The following SGCZ variants were observed in gnomAD, a reference collection of about 807,000 sequenced individuals.
SGCZ encodes sarcoglycan zeta.
SGCZ carries 40 observed loss-of-function variants against 41.3 expected under a neutral mutation model. The observed-to-expected ratio is 0.97, with a 90% CI of 0.75 to 1.26. The LOEUF is 1.26. Among genes scored for constraint, SGCZ ranks in the 50% most tolerant of loss-of-function variants. The probability of loss-of-function intolerance (pLI) is 0.00; values close to 1 mark genes in which losing one functional copy is unlikely to be tolerated. For synonymous variants in SGCZ, 206 were observed against 137.5 expected (o/e 1.50, Z -3.49); for missense variants, 552 against 369.8 (o/e 1.49, Z -4.04).
At chr8:14,749,007 G>A (rs753877421) in intron 1 of SGCZ, among the ~76,000 whole-genome samples, 1 of 151,768 alleles carries the variant, frequency 6.6e-6, no homozygotes, top group African/African-American at 2.4e-5. Context: ...ATTTTGGTTA[G>A]CTTTTATATA....
chr8:14,775,469 G>T (rs879316149), intron 1 of SGCZ, among the ~76,000 whole-genome samples: 2 of 150,422 alleles, frequency 1.3e-5, no homozygotes, highest in Admixed American at 1.3e-4. Context: ...GAGTGTGTGT[G>T]TGTGTGTGTG....
At chr8:14,891,840 A>G (rs945493471) in intron 1 of SGCZ, among the ~76,000 whole-genome samples, 1 of 152,214 alleles carries the variant, frequency 6.6e-6, no homozygotes, top group Non-Finnish European at 1.5e-5. Context: ...GCATCTTAAC[A>G]TGCAGACAAT....
rs372548395 is a variant in SGCZ, at chr8:15,171,311, TAC to T, written c.39+66272_39+66273del. Among the ~76,000 whole-genome samples, 222 of 152,346 alleles carry T rather than the reference TAC, an allele frequency of 1.5e-3. 2 individuals carry two copies. The highest frequency in any genetic ancestry group is 5.1e-3 in the African/African-American group (213 of 41,582). ...ATCCAGTCCCAATTCCCAGCAGAGT[TAC>T]TCAACCCTAGAAAAAAGTGTCTCAT... On this transcript the variant is annotated intron_variant, in intron 1 of 7. Transcript: ENST00000382080.
intron 2 of SGCZ, among the ~76,000 whole-genome samples, chr8:14,467,087 TTA>T (rs761089794): frequency 5.3e-5 from 8 of 151,954 alleles, no homozygotes; most frequent in Non-Finnish European, 1.2e-4. Flanking sequence ...TTTTTAATTC[TTA>T]TAGACTCTTC....
chr8:15,023,975 G>A (rs1172118339), intron 1 of SGCZ, among the ~76,000 whole-genome samples: 1 of 152,020 alleles, frequency 6.6e-6, no homozygotes, highest in East Asian at 1.9e-4. Flanking sequence ...CAGAATACAG[G>A]GACCAGGATA....
chr8:14,971,234 G>C (rs1801286171), intron 1 of SGCZ, among the ~76,000 whole-genome samples: 1 of 152,004 alleles, frequency 6.6e-6, no homozygotes, highest in African/African-American at 2.4e-5. Context: ...TCCTTGTAGA[G>C]GCTTTATTAA....
At chr8:14,171,947 A>ATAAC (rs1804395990) in intron 4 of SGCZ, among the ~76,000 whole-genome samples, 2 of 152,180 alleles carry the variant, frequency 1.3e-5, no homozygotes, top group African/African-American at 4.8e-5. Flanking sequence ...ATCCTATTAT[A>ATAAC]TAACTGTTTC....
chr8:14,562,384 T>A (rs1174886134), intron 1 of SGCZ, among the ~76,000 whole-genome samples: 2 of 152,014 alleles, frequency 1.3e-5, no homozygotes, highest in African/African-American at 4.8e-5. Context: ...AATATGTGCA[T>A]AGAAAAATAA....
chr8:15,189,803 C>G (rs530122), intron 1 of SGCZ, among the ~76,000 whole-genome samples: 22,150 of 152,082 alleles, frequency 0.15, 1,843 homozygotes, highest in African/African-American at 0.21. Context: ...TGACTGCCTT[C>G]GTTTCCCAAA....
chr8:14,602,119 G>C (rs1188091759), intron 1 of SGCZ, among the ~76,000 whole-genome samples: 3 of 151,470 alleles, frequency 2.0e-5, no homozygotes, highest in African/African-American at 7.3e-5. Flanking sequence ...GTCTCCGTCT[G>C]AAAAAAATAA....
At chr8:14,868,617 G>A (rs1804022197) in intron 1 of SGCZ, among the ~76,000 whole-genome samples, 1 of 152,050 alleles carries the variant, frequency 6.6e-6, no homozygotes, top group Non-Finnish European at 1.5e-5. Context: ...ACCAGTTTAA[G>A]CCATTACAAA....
chr8:15,006,653 T>C (rs1802614763), intron 1 of SGCZ, among the ~76,000 whole-genome samples: 2 of 152,172 alleles, frequency 1.3e-5, no homozygotes, highest in South Asian at 2.1e-4. Context: ...AGGACTCATG[T>C]TGGAACTGGT....
chr8:14,601,806 C>T (rs1036394530), intron 1 of SGCZ, among the ~76,000 whole-genome samples: 2 of 152,284 alleles, frequency 1.3e-5, no homozygotes, highest in Admixed American at 6.5e-5. Context: ...TATGTACATC[C>T]CTTTAATTAA....
At chr8:14,108,095 T>C in intron 6 of SGCZ, 68 bp downstream of exon 6, 3 of 1,372,022 alleles carry the variant, frequency 2.2e-6, no homozygotes, top group Non-Finnish European at 3.1e-6. Context: ...TCTATTTTAG[T>C]TCTTCATATA....
At chr8:14,226,272 C>T (rs1049517127) in intron 4 of SGCZ, among the ~76,000 whole-genome samples, 1 of 152,042 alleles carries the variant, frequency 6.6e-6, no homozygotes, top group Middle Eastern at 3.2e-3. Flanking sequence ...AGTCAATTTT[C>T]GGTGTATACT....
At chr8:14,768,292 T>C (rs1356108428) in intron 1 of SGCZ, among the ~76,000 whole-genome samples, 1 of 152,204 alleles carries the variant, frequency 6.6e-6, no homozygotes, top group Admixed American at 6.5e-5. Flanking sequence ...TTGACTGAGC[T>C]ATTCAACGGA....
intron 1 of SGCZ, among the ~76,000 whole-genome samples, chr8:15,096,594 T>C (rs1031652255): frequency 6.6e-6 from 1 of 152,124 alleles, no homozygotes; most frequent in East Asian, 1.9e-4. Context: ...CCTTAGAAAA[T>C]TATATCTTAT....
intron 2 of SGCZ, among the ~76,000 whole-genome samples, chr8:14,398,779 G>A (rs1467167329): frequency 6.6e-6 from 1 of 152,080 alleles, no homozygotes; most frequent in Non-Finnish European, 1.5e-5. Flanking sequence ...CAGCATTGAT[G>A]TTTTATGGCT....
chr8:14,491,517 A>G (rs1801842578), intron 2 of SGCZ, among the ~76,000 whole-genome samples: 1 of 152,224 alleles, frequency 6.6e-6, no homozygotes, highest in African/African-American at 2.4e-5. Context: ...GAATTTATGT[A>G]CTTTCCAATA....
Sources: allele counts gnomAD v4.1 joint callset (sites outside exome capture counted in the v4.1 genomes callset), GRCh38; gene constraint gnomAD v4.1.1; transcripts MANE v1.5; gene names NCBI Gene and HGNC (gene_info 2026-07-23, HGNC 2026-07-21).